PHACTR4: variants seen among roughly 807,000 people sequenced by gnomAD.
PHACTR4 encodes the protein protein phosphatase 1, regulatory subunit 124.
In PHACTR4, 51 loss-of-function variants were observed where a neutral mutation model predicts 72.7. That is an observed-to-expected ratio of 0.70 (90% CI 0.56 to 0.89). The LOEUF (loss-of-function observed/expected upper bound fraction) is 0.89, where lower values mean the gene tolerates loss of function less well. PHACTR4 is among the 40% of genes least tolerant of loss of function. The pLI, the probability that PHACTR4 is intolerant of heterozygous loss-of-function variation, is 0.00. For synonymous variants in PHACTR4, 255 were observed against 302.5 expected (o/e 0.84, Z 1.63); for missense variants, 731 against 861.8 (o/e 0.85, Z 1.90).
At chr1:28,370,611 C>A (rs199847198) in intron 1 of PHACTR4, among the ~76,000 whole-genome samples, 124 of 130,172 alleles carry the variant, frequency 9.5e-4, no homozygotes, top group African/African-American at 1.5e-3. Context: ...TGATTGCTTG[C>A]AAAAAAAAAA....
chr1:28,377,405 ATT>A (rs1192491154), intron 1 of PHACTR4, among the ~76,000 whole-genome samples: 5 of 142,362 alleles, frequency 3.5e-5, no homozygotes, highest in East Asian at 2.0e-4. Flanking sequence ...TGCCCTGCTA[ATT>A]TTTTTTTTTT....
intron 2 of PHACTR4, chr1:28,433,157 T>A (rs1178393674): frequency 1.2e-6 from 1 of 868,044 alleles, no homozygotes; most frequent in Non-Finnish European, 1.4e-6. Context: ...AAAGGGAGTA[T>A]CTTATTAGCT....
At chr1:28,374,794 A>C (rs932749775) in intron 1 of PHACTR4, among the ~76,000 whole-genome samples, 1 of 152,208 alleles carries the variant, frequency 6.6e-6, no homozygotes, top group Non-Finnish European at 1.5e-5. Flanking sequence ...AAGGAGTCTG[A>C]CAGTAAATAA....
chr1:28,374,359 A>G (rs932643634), intron 1 of PHACTR4, among the ~76,000 whole-genome samples: 3 of 152,240 alleles, frequency 2.0e-5, no homozygotes, highest in Non-Finnish European at 4.4e-5. Context: ...TGCTCTCTCT[A>G]GTTTCTGCTT....
chr1:28,492,389 AT>A (rs1351469293), intron 12 of PHACTR4, among the ~76,000 whole-genome samples: 1 of 152,016 alleles, frequency 6.6e-6, no homozygotes, highest in East Asian at 1.9e-4. Context: ...GTGAGCCAAG[AT>A]CATGCCAATG....
At chr1:28,495,927 A>C (rs1261630480) in intron 13 of PHACTR4, among the ~76,000 whole-genome samples, 1 of 151,908 alleles carries the variant, frequency 6.6e-6, no homozygotes, top group Non-Finnish European at 1.5e-5. Context: ...GGCCAAGGAA[A>C]GTTGTTTTTT....
chr1:28,442,648 A>G (rs895429301), intron 2 of PHACTR4, among the ~76,000 whole-genome samples: 1 of 151,744 alleles, frequency 6.6e-6, no homozygotes, highest in Admixed American at 6.6e-5. Flanking sequence ...CTGGGACTAC[A>G]GGTGCCCACC....
At chr1:28,480,252 C>T (rs1197826967) in intron 8 of PHACTR4, among the ~76,000 whole-genome samples, 199 bp from the exon 9 acceptor site, 1 of 152,216 alleles carries the variant, frequency 6.6e-6, no homozygotes, top group African/African-American at 2.4e-5. Context: ...TTTTAACCAT[C>T]TTAGTCCACC....
chr1:28,450,453 T>C (rs947186019), intron 2 of PHACTR4, among the ~76,000 whole-genome samples: 4 of 152,184 alleles, frequency 2.6e-5, no homozygotes, highest in Non-Finnish European at 5.9e-5. Flanking sequence ...AATCAGATGC[T>C]GAGAACAAAG....
chr1:28,406,937 A>G (rs1014859120), intron 1 of PHACTR4, among the ~76,000 whole-genome samples: 9 of 152,120 alleles, frequency 5.9e-5, no homozygotes, highest in Non-Finnish European at 1.3e-4. Flanking sequence ...GATGTTCCTC[A>G]TGCCCTTTCT....
At chr1:28,448,773 A>C (rs867521954) in intron 2 of PHACTR4, among the ~76,000 whole-genome samples, 2 of 145,060 alleles carry the variant, frequency 1.4e-5, no homozygotes, top group South Asian at 4.3e-4. Context: ...AAAAAAAAAA[A>C]AAAAAAAAAA....
At chr1:28,434,147 G>A (rs1420494881) in intron 2 of PHACTR4, among the ~76,000 whole-genome samples, 3 of 152,106 alleles carry the variant, frequency 2.0e-5, no homozygotes, top group Non-Finnish European at 4.4e-5. Flanking sequence ...TTCTTTTGGA[G>A]CTTAAAAATT....
At chr1:28,485,601 A>G (rs1660589670) in intron 9 of PHACTR4, among the ~76,000 whole-genome samples, 3 of 148,094 alleles carry the variant, frequency 2.0e-5, no homozygotes. Context: ...TCAATCAGTC[A>G]ATAGTTAATA....
chr1:28,463,379 A>G (rs990163121), intron 4 of PHACTR4, among the ~76,000 whole-genome samples: 3 of 152,196 alleles, frequency 2.0e-5, no homozygotes, highest in Admixed American at 1.3e-4. Flanking sequence ...AATATAAGAA[A>G]TGATACTGCA....
intron 4 of PHACTR4, among the ~76,000 whole-genome samples, chr1:28,461,834 T>A (rs1658825474): frequency 6.7e-6 from 1 of 149,756 alleles, no homozygotes; most frequent in Admixed American, 6.6e-5. Context: ...CCAGGTGCTA[T>A]GCGATGTTTT....
chr1:28,491,565 T>G (rs1570119192), intron 11 of PHACTR4, 85 bp from the exon 12 acceptor site: 2 of 1,560,898 alleles, frequency 1.3e-6, no homozygotes, highest in East Asian at 2.2e-5. Flanking sequence ...CAATGAAGAT[T>G]GAAGCACTGG....
chr1:28,382,550 G>A (rs1395753551), intron 1 of PHACTR4, among the ~76,000 whole-genome samples: 6 of 151,978 alleles, frequency 3.9e-5, no homozygotes, highest in African/African-American at 9.7e-5. Context: ...TGATCCGCCC[G>A]CCTCAGCCTC....
intron 9 of PHACTR4, among the ~76,000 whole-genome samples, chr1:28,487,845 C>T (rs1179272547): frequency 6.9e-6 from 1 of 145,074 alleles, no homozygotes; most frequent in Non-Finnish European, 1.5e-5. Context: ...CAAGCATTCT[C>T]CTGCCTCAGC....
At chr1:28,409,989 A>G (rs867383979) in intron 2 of PHACTR4, among the ~76,000 whole-genome samples, 2 of 84,866 alleles carry the variant, frequency 2.4e-5, no homozygotes, top group Admixed American at 1.8e-4. Flanking sequence ...TTTTTTTGAG[A>G]CAGAGTCTCG....
Sources: gnomAD v4.1 joint callset for allele counts (sites outside exome capture counted in the v4.1 genomes callset) on GRCh38, gnomAD v4.1.1 for gene constraint, MANE v1.5 for transcripts, NCBI Gene and HGNC (gene_info 2026-07-23, HGNC 2026-07-21) for gene names.